The following NHS variants were observed in gnomAD, a reference collection of about 807,000 sequenced individuals.
The protein encoded by NHS is actin remodeling regulator NHS.
In NHS, 5 loss-of-function variants were observed where a neutral mutation model predicts 72.5. The observed-to-expected ratio is 0.07, with a 90% CI of 0.04 to 0.14. NHS has a LOEUF of 0.14. Ranked by LOEUF, NHS falls within the 10% of genes least tolerant of loss-of-function variation. The pLI is 1.00. For synonymous variants in NHS, 464 were observed against 547.7 expected, an observed-to-expected ratio of 0.85 and a Z score of 2.13; for missense variants, 1,072 against 1,355.7, an observed-to-expected ratio of 0.79 and a Z score of 3.29.
At position 17,531,058 on chromosome X, in the gene NHS, C is replaced by T. The variant is rs771229837; in HGVS notation, c.565+154736C>T. Among the ~76,000 whole-genome samples the T allele has an allele frequency of 1.8e-4, 20 of 111,939 alleles. No homozygotes were observed. In the South Asian group the frequency reaches 6.8e-3, roughly 38 times the overall value. On this transcript the variant is annotated intron_variant, in intron 1 of 8. Coordinates refer to ENST00000676302, the MANE Select transcript of NHS (RefSeq NM_001291867.2). ...ATAGCTGCTCTCGAGGAACCCTGGC[C>T]CTTCTGGCAGCCTTTATTTCTCTCT...
At chrX:17,472,797 T>C (rs1279589092) in intron 1 of NHS, among the ~76,000 whole-genome samples, 2 of 112,018 alleles carry the variant, frequency 1.8e-5, no homozygotes, top group East Asian at 5.6e-4. Flanking sequence ...GGTGGAGTGA[T>C]GTAGCCACCA....
intron 1 of NHS, among the ~76,000 whole-genome samples, chrX:17,490,822 C>T (rs1373337472): frequency 1.8e-5 from 2 of 108,447 alleles, no homozygotes; most frequent in Non-Finnish European, 3.8e-5. Flanking sequence ...TTGTAGTTCT[C>T]CTTGAAGAGG....
chrX:17,488,779 CT>C (rs2064977477), intron 1 of NHS, among the ~76,000 whole-genome samples: 1 of 111,454 alleles, frequency 9.0e-6, no homozygotes, highest in Admixed American at 9.6e-5. Flanking sequence ...TCTATGTATT[CT>C]TTTTTTCTTT....
At chrX:17,498,623 G>T (rs1454889422) in intron 1 of NHS, among the ~76,000 whole-genome samples, 1 of 111,358 alleles carries the variant, frequency 9.0e-6, no homozygotes, top group African/African-American at 3.3e-5. Flanking sequence ...TTGCTATGAT[G>T]TTGCTATACC....
intron 1 of NHS, among the ~76,000 whole-genome samples, chrX:17,648,252 T>C (rs1193301210): frequency 9.0e-6 from 1 of 111,632 alleles, no homozygotes; most frequent in Non-Finnish European, 1.9e-5. Flanking sequence ...TCATGTCTGG[T>C]GATTAGCAGA....
In NHS at chrX:17,708,985, T is replaced by C. The variant is rs758391394; in HGVS notation, c.853-10359T>C. 3.1e-3 allele frequency among the ~76,000 whole-genome samples: 346 copies of C among 111,434 alleles called. 1 individual carries two copies. The highest frequency in any genetic ancestry group is 0.011 in the African/African-American group (331 of 30,652). On this transcript the variant is annotated intron_variant, in intron 3 of 8. Coordinates refer to ENST00000676302, the MANE Select transcript of NHS (RefSeq NM_001291867.2). ...ATGACAATATCAGGGTATGTGTGTA[T>C]AGGATTAATTTCCTCAATCTCTAGA... is the stretch of plus-strand genomic sequence containing the variant.
chrX:17,563,552 G>A (rs1442989760), intron 1 of NHS, among the ~76,000 whole-genome samples: 1 of 112,533 alleles, frequency 8.9e-6, no homozygotes, highest in Non-Finnish European at 1.9e-5. Context: ...GAGAGTGCCA[G>A]AGTCTGAAAA....
intron 1 of NHS, among the ~76,000 whole-genome samples, chrX:17,439,975 C>T (rs976025163): frequency 1.8e-5 from 2 of 111,324 alleles, no homozygotes; most frequent in Admixed American, 9.5e-5. Context: ...AAAATGGAAA[C>T]GAGGCCAGGC....
At chrX:17,658,837 G>A (rs890823991) in intron 1 of NHS, among the ~76,000 whole-genome samples, 1 of 111,886 alleles carries the variant, frequency 8.9e-6, no homozygotes, top group Admixed American at 9.4e-5. Context: ...GTCTTAAATA[G>A]AAAGGGCTGC....
intron 1 of NHS, among the ~76,000 whole-genome samples, chrX:17,627,887 C>G (rs1224362044): frequency 1.8e-5 from 2 of 112,513 alleles, no homozygotes; most frequent in African/African-American, 6.5e-5. Flanking sequence ...CAGGTTGGTC[C>G]TCTCAGCAAT....
At chrX:17,597,430 C>CT (rs536355888) in intron 1 of NHS, among the ~76,000 whole-genome samples, 3,661 of 94,640 alleles carry the variant, frequency 0.039, 184 homozygotes, top group African/African-American at 0.12. Context: ...TGGCTATTCT[C>CT]TTTTTTTTTT....
At chrX:17,628,310 T>G (rs997966564) in intron 1 of NHS, among the ~76,000 whole-genome samples, 2 of 112,407 alleles carry the variant, frequency 1.8e-5, no homozygotes, top group African/African-American at 6.5e-5. Context: ...AGTGCTTTTT[T>G]TTTTAATCCC....
At chrX:17,699,400 G>A (rs1255792317) in intron 3 of NHS, among the ~76,000 whole-genome samples, 1 of 111,817 alleles carries the variant, frequency 8.9e-6, no homozygotes. Flanking sequence ...AGAGACCAGA[G>A]TATATATAAA....
chrX:17,584,482 T>C, intron 1 of NHS, among the ~76,000 whole-genome samples: 1 of 112,075 alleles, frequency 8.9e-6, no homozygotes, highest in Non-Finnish European at 1.9e-5. Context: ...CCACACAAAG[T>C]TCTGTTTTTG....
intron 1 of NHS, among the ~76,000 whole-genome samples, chrX:17,659,334 C>G (rs1382786906): frequency 8.9e-6 from 1 of 112,233 alleles, no homozygotes; most frequent in Non-Finnish European, 1.9e-5. Context: ...ATACAGATCT[C>G]CATCTTAAAA....
chrX:17,516,523 C>T (rs2065120667), intron 1 of NHS, among the ~76,000 whole-genome samples: 1 of 109,287 alleles, frequency 9.2e-6, no homozygotes, highest in Non-Finnish European at 1.9e-5. Context: ...CCTCCTCTGC[C>T]AATAAATATT....
intron 1 of NHS, among the ~76,000 whole-genome samples, chrX:17,519,323 C>T (rs1181084171): frequency 8.9e-6 from 1 of 112,520 alleles, no homozygotes; most frequent in Non-Finnish European, 1.9e-5. Context: ...GGAACCCTCA[C>T]CACTCATTCT....
intron 1 of NHS, among the ~76,000 whole-genome samples, chrX:17,399,909 G>A (rs2064495250): frequency 1.8e-5 from 2 of 111,691 alleles, no homozygotes; most frequent in African/African-American, 3.3e-5. Flanking sequence ...GGAGTAGAAG[G>A]GAATTTCCTC....
intron 1 of NHS, among the ~76,000 whole-genome samples, chrX:17,575,881 T>C (rs1461834342): frequency 8.9e-6 from 1 of 111,788 alleles, no homozygotes; most frequent in Non-Finnish European, 1.9e-5. Flanking sequence ...ATCTTCTTTA[T>C]ACCCCCTTGC....
Sources: allele counts gnomAD v4.1 joint callset (sites outside exome capture counted in the v4.1 genomes callset), GRCh38; gene constraint gnomAD v4.1.1; transcripts MANE v1.5; gene names NCBI Gene and HGNC (gene_info 2026-07-23, HGNC 2026-07-21).